DPP9: variants seen among roughly 807,000 people sequenced by gnomAD.
DPP9 encodes dipeptidyl peptidase 9, also known as dipeptidyl peptidase IV-related protein-2.
DPP9 carries 50 observed loss-of-function variants against 110.7 expected under a neutral mutation model. That is an observed-to-expected ratio of 0.45 (90% CI 0.36 to 0.57). DPP9 has a LOEUF of 0.57. DPP9 is among the 20% of genes least tolerant of loss of function. The pLI, the probability that DPP9 is intolerant of heterozygous loss-of-function variation, is 0.00. For missense variants in DPP9, 1,022 were observed against 1,217.9 expected (o/e 0.84, Z 2.39); for synonymous variants, 561 against 514.4 (o/e 1.09, Z -1.23).
rs1332416916 is a variant in DPP9, at chr19:4,675,239, T to G, written c.*1325A>C. 3 of 152,466 alleles carry G rather than the reference T, an allele frequency of 2.0e-5. No individual in the cohort carries two copies. Among genetic ancestry groups the G allele is most frequent in the African/African-American group, 7.3e-5 (3 of 41,372 alleles). 9.4% of individuals were successfully genotyped at this position (152,466 alleles called of 1,614,324 possible). A position where few individuals can be genotyped will look rare whatever the true frequency, so the allele number is the denominator to read the frequency against. On this transcript the variant is annotated 3_prime_UTR_variant, in exon 22 of 22. Transcript: ENST00000262960. ...CTCAGGCAGGTGACATGTTTCCAACTGGAATCGTTTAATGTGTCTACTTCT... is the reference window on the plus strand; with the variant it reads ...CTCAGGCAGGTGACATGTTTCCAACGGGAATCGTTTAATGTGTCTACTTCT...
chr19:4,700,351 G>T lies in DPP9; in HGVS notation c.1013-74C>A. 2 of 1,296,970 alleles carry T rather than the reference G, an allele frequency of 1.5e-6. No homozygotes were observed. The highest frequency in any genetic ancestry group is 2.1e-6 in the Non-Finnish European group (2 of 940,516). 80.3% of individuals were successfully genotyped at this position (1,296,970 alleles called of 1,614,324 possible). A position where few individuals can be genotyped will look rare whatever the true frequency, so the allele number is the denominator to read the frequency against. On this transcript the variant is annotated intron_variant, in intron 9 of 21. Coordinates refer to ENST00000262960, the MANE Select transcript of DPP9 (RefSeq NM_139159.5). The surrounding 1 kb of genome is among the most constrained non-coding windows in gnomAD (Gnocchi z 4.3). ...TGCCGAGAGCCGGCACGGGGGGCCT[G>T]GGCTGTGGGGTGACGTCCACAGAGA...
At chr19:4,719,734 C>T (rs1160906185) in intron 3 of DPP9, 117 bp downstream of exon 3, 21 of 1,182,598 alleles carry the variant, frequency 1.8e-5, no homozygotes, top group African/African-American at 1.2e-4. Context: ...GTCTTGGGGA[C>T]GTGCTGGGGA....
chr19:4,720,797 A>G (rs957117413), intron 2 of DPP9, among the ~76,000 whole-genome samples: 2 of 152,040 alleles, frequency 1.3e-5, no homozygotes, highest in African/African-American at 4.8e-5. Flanking sequence ...CAAGCCGGAG[A>G]CCCCTGCATC....
rs2092153385 is a variant in DPP9, at chr19:4,700,327, GC to G, written c.1013-51del. 6.6e-7 allele frequency: 1 copy of G among 1,516,366 alleles called. No individual in the cohort carries two copies. 93.9% of individuals were successfully genotyped at this position (1,516,366 alleles called of 1,614,324 possible). A position where few individuals can be genotyped will look rare whatever the true frequency, so the allele number is the denominator to read the frequency against. On this transcript the variant is annotated intron_variant, in intron 9 of 21. Transcript: ENST00000262960. The surrounding 1 kb of genome is among the most constrained non-coding windows in gnomAD (Gnocchi z 4.3). ...CACCAGGCAGGCATCACCCGTGTGTGCCGAGAGCCGGCACGGGGGGCCTGGG... is the reference window on the plus strand; with the variant it reads ...CACCAGGCAGGCATCACCCGTGTGTGCGAGAGCCGGCACGGGGGGCCTGGG...
chr19:4,718,369 A>G lies in DPP9; in HGVS notation c.56+1482T>C, dbSNP rs536954325. Among the ~76,000 whole-genome samples, 52 of 152,316 alleles carry G rather than the reference A, an allele frequency of 3.4e-4. No individual in the cohort carries two copies. Among genetic ancestry groups the G allele is most frequent in the African/African-American group, 1.2e-3 (51 of 41,574 alleles). Reference sequence around the variant, plus strand: ...CAGTTCTGAGTTCAGGCCGACCACAAGGTGATAAGGCAGAAAGAAAGGTGG... The same window carrying G: ...CAGTTCTGAGTTCAGGCCGACCACAGGGTGATAAGGCAGAAAGAAAGGTGG... On this transcript the variant is annotated intron_variant, in intron 3 of 21. Transcript: ENST00000262960. The surrounding 1 kb of genome is among the most constrained non-coding windows in gnomAD (Gnocchi z 4.3).
In DPP9 at chr19:4,695,629, C is replaced by T. The variant is rs563063159; in HGVS notation, c.1176-74G>A. The T allele has an allele frequency of 3.2e-5, 42 of 1,312,840 alleles. No individual in the cohort carries two copies. The highest frequency in any genetic ancestry group is 5.8e-5 in the East Asian group (2 of 34,314). 81.3% of individuals were successfully genotyped at this position (1,312,840 alleles called of 1,614,324 possible). ...GTGGCCTGCACAGAGAAGCTGGGGA[C>T]GCAGCGTCCAAACCCGTGTGGAATC... On this transcript the variant is annotated intron_variant, in intron 11 of 21. Transcript: ENST00000262960. The surrounding 1 kb of genome is among the most constrained non-coding windows in gnomAD (Gnocchi z 4.7).
At position 4,683,648 on chromosome 19, in the gene DPP9, C is replaced by T. The variant is rs759332562; in HGVS notation, c.2179-19G>A. On this transcript the variant is annotated intron_variant, in intron 18 of 21. Coordinates refer to ENST00000262960, the MANE Select transcript of DPP9 (RefSeq NM_139159.5). ...CCTGGCCCTGAGGGATGAAGCCGGG[C>T]ACCTCTCAGTGGCCTCCTCCCGGTA... 1.2e-6 allele frequency: 2 copies of T among 1,613,310 alleles called. No individual in the cohort carries two copies. Among genetic ancestry groups the T allele is most frequent in the Non-Finnish European group, 1.7e-6 (2 of 1,179,842 alleles).
Position 4,683,402 on chromosome 19 carries a change from G to A in DPP9, c.2331+75C>T, listed in dbSNP as rs759712965. On this transcript the variant is annotated intron_variant, in intron 19 of 21. Transcript: ENST00000262960. ...TAGGTGGGCTCCGGGTGGCGCGGGC[G>A]GTGGGCAAACGCGGCGTAGATGGGG... 2.9e-5 allele frequency: 46 copies of A among 1,590,412 alleles called. No homozygotes were observed. The Middle Eastern group carries it at 5.1e-4, about 18-fold the overall frequency.
In DPP9 at chr19:4,682,228, G is replaced by A. The variant is rs145776559; in HGVS notation, c.2474+468C>T. 2.0e-5 allele frequency among the ~76,000 whole-genome samples: 3 copies of A among 152,164 alleles called. No homozygotes were observed. Among genetic ancestry groups the A allele is most frequent in the Admixed American group, 6.5e-5 (1 of 15,278 alleles). Reference sequence around the variant, plus strand: ...TTTTCTGGAGACGTGCCAGAAAATGGGAACACTGTTTTCTCTCCATCAGAG... The same window carrying A: ...TTTTCTGGAGACGTGCCAGAAAATGAGAACACTGTTTTCTCTCCATCAGAG... On this transcript the variant is annotated intron_variant, in intron 20 of 21. Coordinates refer to ENST00000262960, the MANE Select transcript of DPP9 (RefSeq NM_139159.5). This position sits in a 1 kb window ranked among gnomAD's most constrained non-coding sequence, Gnocchi z 7.1.
At position 4,682,736 on chromosome 19, in the gene DPP9, C is replaced by T. The variant is rs1301631276; in HGVS notation, c.2434G>A (p.Ala812Thr). ...TCCACGTGCAGGGCCACGGAACCCG[C>T]CTCATAGCCGTGCTGGTTGTTCTCA... ...VPENNQHGYE[A>T]GSVALHVEKL... Residue 812 changes from alanine to threonine, a missense_variant, in exon 20 of 22, where the codon GCG (alanine) becomes ACG (threonine). Ala to Thr is a moderately conservative substitution (Grantham distance 58, BLOSUM62 0). Transcript: ENST00000262960. This position sits in a 1 kb window ranked among gnomAD's most constrained non-coding sequence, Gnocchi z 7.1. 1.2e-6 allele frequency: 2 copies of T among 1,609,010 alleles called. No individual in the cohort carries two copies. Among genetic ancestry groups the T allele is most frequent in the Non-Finnish European group, 1.7e-6 (2 of 1,177,948 alleles).
At chr19:4,715,122 C>T (rs1050944289) in intron 3 of DPP9, among the ~76,000 whole-genome samples, 16 of 135,792 alleles carry the variant, frequency 1.2e-4, no homozygotes, top group Middle Eastern at 5.1e-3. Context: ...TAGGATCAAG[C>T]GATTCTCCTG....
intron 19 of DPP9, 186 bp downstream of exon 19, chr19:4,683,291 G>A (rs751839975): frequency 6.9e-7 from 1 of 1,439,742 alleles, no homozygotes; most frequent in South Asian, 1.5e-5. Context: ...GCGGTGGCGG[G>A]CAATGAGGAG....
chr19:4,679,948 T>A lies in DPP9; in HGVS notation c.2475-2A>T. 1 of 1,608,474 alleles carries A rather than the reference T, an allele frequency of 6.2e-7. No homozygotes were observed. Reference sequence around the variant, plus strand: ...TGGAGGATAAGCAAGCGGTTGGGCCTGGAAAACAGATGGGGAAGGGTCTGA... The same window carrying A: ...TGGAGGATAAGCAAGCGGTTGGGCCAGGAAAACAGATGGGGAAGGGTCTGA... On this transcript the variant is annotated splice_acceptor_variant, in intron 20 of 21. Transcript: ENST00000262960. LOFTEE classifies it high-confidence loss of function.
intron 4 of DPP9, among the ~76,000 whole-genome samples, chr19:4,713,413 C>T (rs1480029640): frequency 3.9e-5 from 6 of 152,214 alleles, no homozygotes; most frequent in Non-Finnish European, 2.9e-5. Flanking sequence ...GCCCTGAAGG[C>T]ACTCGTGGTG....
At position 4,714,751 on chromosome 19, in the gene DPP9, C is replaced by T. The variant is rs534303914; in HGVS notation, c.57-414G>A. On this transcript the variant is annotated intron_variant, in intron 3 of 21. Transcript: ENST00000262960. ...TGTTCCACATCCACTGCCAAGACCC[C>T]ATCACTTAAAACCCTTCCTGGTTTT... Among the ~76,000 whole-genome samples the T allele has an allele frequency of 2.0e-5, 3 of 152,096 alleles. No homozygotes were observed. In the South Asian group the frequency reaches 6.2e-4, roughly 32 times the overall value.
chr19:4,702,188 T>A, intron 8 of DPP9, 33 bp from the exon 9 acceptor site: 1 of 1,589,878 alleles, frequency 6.3e-7, no homozygotes, highest in Non-Finnish European at 8.6e-7. Flanking sequence ...CTGCTGAGGG[T>A]GCCAGAGGCA....
Position 4,694,830 on chromosome 19 carries a change from G to A in DPP9, c.1354-7C>T, listed in dbSNP as rs774249473. On this transcript the variant is annotated splice_region_variant and splice_polypyrimidine_tract_variant and intron_variant, in intron 12 of 21. Coordinates refer to ENST00000262960, the MANE Select transcript of DPP9 (RefSeq NM_139159.5). This position sits in a 1 kb window ranked among gnomAD's most constrained non-coding sequence, Gnocchi z 4.0. ...GATAGAAGATGTCATGAACCTGTCC[G>A]GAAAGCAGATAGAAGATGCGTCAGA... The A allele has an allele frequency of 6.2e-6, 10 of 1,613,390 alleles. No individual in the cohort carries two copies. Among genetic ancestry groups the A allele is most frequent in the Middle Eastern group, 1.7e-4 (1 of 5,958 alleles).
chr19:4,702,336 C>T (rs930871164), intron 8 of DPP9, among the ~76,000 whole-genome samples, 181 bp from the exon 9 acceptor site: 1 of 152,218 alleles, frequency 6.6e-6, no homozygotes, highest in Non-Finnish European at 1.5e-5. Context: ...CTTCAGTTTC[C>T]TCCCCTGTGC....
chr19:4,676,858 CA>C lies in DPP9; in HGVS notation c.2587-203del, dbSNP rs1257699530. Among the ~76,000 whole-genome samples, 7 of 152,200 alleles carry C rather than the reference CA, an allele frequency of 4.6e-5. No homozygotes were observed. The highest frequency in any genetic ancestry group is 8.8e-5 in the Non-Finnish European group (6 of 68,040). On this transcript the variant is annotated intron_variant, in intron 21 of 21. Transcript: ENST00000262960. This position sits in a 1 kb window ranked among gnomAD's most constrained non-coding sequence, Gnocchi z 4.0. ...AAAAATGGGGTGAATCCGGACCTCA[CA>C]GTCTTTGGGAGGATTTGGTAAGACA...
Sources: allele counts gnomAD v4.1 joint callset (sites outside exome capture counted in the v4.1 genomes callset), GRCh38; gene constraint gnomAD v4.1.1; non-coding constraint Gnocchi (gnomAD v3.1); transcripts MANE v1.5; gene names NCBI Gene and HGNC (gene_info 2026-07-23, HGNC 2026-07-21).